CCSER1: variants seen among roughly 807,000 people sequenced by gnomAD.
The protein encoded by CCSER1 is coiled-coil serine rich protein 1.
In CCSER1, 41 loss-of-function variants were observed where a neutral mutation model predicts 82.0. The ratio of observed to expected loss-of-function variants is 0.50; its 90% confidence interval spans 0.39 to 0.65. CCSER1 has a LOEUF of 0.65. CCSER1 is among the 30% of genes least tolerant of loss of function. The probability of loss-of-function intolerance (pLI) is 0.00; values close to 1 mark genes in which losing one functional copy is unlikely to be tolerated. For synonymous variants in CCSER1, 414 were observed against 383.9 expected, an observed-to-expected ratio of 1.08 and a Z score of -0.92; for missense variants, 1,119 against 1,064.2, an observed-to-expected ratio of 1.05 and a Z score of -0.72.
At chr4:90,705,768 C>T (rs35477435) in intron 6 of CCSER1, among the ~76,000 whole-genome samples, 12,995 of 152,242 alleles carry the variant, frequency 0.085, 609 homozygotes, top group Admixed American at 0.12. Context: ...TGGGACCCTC[C>T]GAGCCAGGCT....
intron 10 of CCSER1, among the ~76,000 whole-genome samples, chr4:91,256,053 T>C (rs1740653476): frequency 6.6e-6 from 1 of 152,112 alleles, no homozygotes; most frequent in Admixed American, 6.5e-5. Flanking sequence ...TTACCAAAAA[T>C]GAGTAAGAGA....
chr4:90,844,013 T>C (rs1490865088), intron 8 of CCSER1, among the ~76,000 whole-genome samples: 3 of 152,082 alleles, frequency 2.0e-5, no homozygotes, highest in African/African-American at 7.2e-5. Flanking sequence ...TCAAGCACTC[T>C]ATGACCTCGT....
At chr4:90,511,177 T>C (rs1771435834) in intron 5 of CCSER1, among the ~76,000 whole-genome samples, 1 of 152,110 alleles carries the variant, frequency 6.6e-6, no homozygotes, top group Non-Finnish European at 1.5e-5. Flanking sequence ...CTCACCACTT[T>C]GGGAGGCCAC....
chr4:91,592,850 A>G lies in CCSER1; in HGVS notation c.2218-5722A>G, dbSNP rs562134481. On this transcript the variant is annotated intron_variant, in intron 10 of 10. Transcript: ENST00000509176. ...ATTTTTTTTTTGTTAAGTGGAGAACATTTGCAGGAAAAATATATTTTAAAG... is the reference window on the plus strand; with the variant it reads ...ATTTTTTTTTTGTTAAGTGGAGAACGTTTGCAGGAAAAATATATTTTAAAG... Among the ~76,000 whole-genome samples, 7 of 152,140 alleles carry G rather than the reference A, an allele frequency of 4.6e-5. No individual in the cohort carries two copies. The South Asian group carries it at 1.2e-3, about 27-fold the overall frequency.
At chr4:90,934,113 G>A (rs980673966) in intron 9 of CCSER1, among the ~76,000 whole-genome samples, 1 of 151,726 alleles carries the variant, frequency 6.6e-6, no homozygotes, top group East Asian at 1.9e-4. Flanking sequence ...TTTTGTAACA[G>A]TTAAAGAAGA....
rs143100480 is a variant in CCSER1, at chr4:90,758,093, C to G, written c.2010+34102C>G. 2.3e-4 allele frequency among the ~76,000 whole-genome samples: 35 copies of G among 152,172 alleles called. No individual in the cohort carries two copies. In the East Asian group the frequency reaches 6.8e-3, roughly 30 times the overall value. On this transcript the variant is annotated intron_variant, in intron 7 of 10. Transcript: ENST00000509176. ...AGCTGGGATTTTAGGCATGCGCCAC[C>G]ACACCTGGCTAACTTTGTATTTTTA...
intron 10 of CCSER1, among the ~76,000 whole-genome samples, chr4:91,136,341 G>C (rs574295151): frequency 1.3e-5 from 2 of 152,074 alleles, no homozygotes; most frequent in African/African-American, 4.8e-5. Context: ...TCAAAGATGT[G>C]TGGACTGACA....
intron 8 of CCSER1, among the ~76,000 whole-genome samples, chr4:90,833,811 C>G: frequency 6.6e-6 from 1 of 152,204 alleles, no homozygotes; most frequent in Non-Finnish European, 1.5e-5. Flanking sequence ...TGAGGCCTAC[C>G]CTCCTCCCAA....
intron 5 of CCSER1, among the ~76,000 whole-genome samples, chr4:90,470,762 C>CAA (rs754754971): frequency 0.044 from 3,098 of 71,026 alleles, 339 homozygotes; most frequent in African/African-American, 0.14. Flanking sequence ...TTAATCAAAG[C>CAA]AAAAAAAAAA....
At chr4:90,985,421 T>A (rs997183596) in intron 9 of CCSER1, among the ~76,000 whole-genome samples, 4 of 151,692 alleles carry the variant, frequency 2.6e-5, no homozygotes, top group African/African-American at 9.7e-5. Flanking sequence ...CTTTTTAAGA[T>A]AAGAAAACAA....
chr4:91,244,741 AG>A lies in CCSER1; in HGVS notation c.2217+158748del, dbSNP rs1739631345. On this transcript the variant is annotated intron_variant, in intron 10 of 10. Coordinates refer to ENST00000509176, the MANE Select transcript of CCSER1 (RefSeq NM_001145065.2). ...GCCCAGATACCAATGAACATCTACAAGTATCAGCATCATCCAGGAAAATATG... is the reference window on the plus strand; with the variant it reads ...GCCCAGATACCAATGAACATCTACAATATCAGCATCATCCAGGAAAATATG... Among the ~76,000 whole-genome samples the A allele has an allele frequency of 3.3e-5, 5 of 152,198 alleles. No individual in the cohort carries two copies. The South Asian group carries it at 1.0e-3, about 31-fold the overall frequency.
At chr4:90,662,909 T>G (rs1480278805) in intron 6 of CCSER1, among the ~76,000 whole-genome samples, 4 of 152,176 alleles carry the variant, frequency 2.6e-5, no homozygotes, top group Non-Finnish European at 5.9e-5. Context: ...CCTTGGCAGT[T>G]TTATTATTAT....
chr4:90,965,689 G>A (rs1734496332), intron 9 of CCSER1, among the ~76,000 whole-genome samples: 1 of 152,078 alleles, frequency 6.6e-6, no homozygotes, highest in African/African-American at 2.4e-5. Context: ...AACAAGCCAT[G>A]TGAAAGAGAA....
chr4:91,068,009 T>C (rs146667813), intron 9 of CCSER1, among the ~76,000 whole-genome samples: 5 of 152,344 alleles, frequency 3.3e-5, no homozygotes, highest in African/African-American at 1.2e-4. Context: ...CCATGGAATT[T>C]ATTTAATTAG....
chr4:91,106,180 C>T (rs538553111), intron 10 of CCSER1, among the ~76,000 whole-genome samples: 2 of 152,234 alleles, frequency 1.3e-5, no homozygotes, highest in African/African-American at 2.4e-5. Flanking sequence ...TTATCATGGG[C>T]CAGGTGTTGT....
intron 8 of CCSER1, among the ~76,000 whole-genome samples, chr4:90,852,537 C>A (rs1397251012): frequency 6.6e-6 from 1 of 152,208 alleles, no homozygotes; most frequent in Non-Finnish European, 1.5e-5. Flanking sequence ...GACAGAGAAG[C>A]TGCTCACATT....
intron 10 of CCSER1, among the ~76,000 whole-genome samples, chr4:91,150,942 G>A (rs1169544498): frequency 1.3e-5 from 2 of 151,994 alleles, no homozygotes; most frequent in Non-Finnish European, 2.9e-5. Context: ...TTTTTTTGTT[G>A]TGTCTCTGCC....
At chr4:91,239,064 T>TC (rs1406002281) in intron 10 of CCSER1, among the ~76,000 whole-genome samples, 4 of 151,130 alleles carry the variant, frequency 2.6e-5, no homozygotes, top group African/African-American at 4.9e-5. Flanking sequence ...GACCACGTGA[T>TC]CCCCCCCACC....
intron 1 of CCSER1, among the ~76,000 whole-genome samples, chr4:90,226,367 C>A (rs1288425458): frequency 6.6e-6 from 1 of 152,188 alleles, no homozygotes; most frequent in Non-Finnish European, 1.5e-5. Flanking sequence ...ATACTGAAGA[C>A]CGAGTGTTAG....
Sources: gnomAD v4.1 joint callset for allele counts (sites outside exome capture counted in the v4.1 genomes callset) on GRCh38, gnomAD v4.1.1 for gene constraint, MANE v1.5 for transcripts, NCBI Gene and HGNC (gene_info 2026-07-23, HGNC 2026-07-21) for gene names.